YTHDC2: variants seen among roughly 807,000 people sequenced by gnomAD.
YTHDC2 encodes the protein 3'-5' RNA helicase YTHDC2.
In YTHDC2, 45 loss-of-function variants were observed where a neutral mutation model predicts 174.9. That is an observed-to-expected ratio of 0.26 (90% confidence interval 0.20 to 0.33). The LOEUF (loss-of-function observed/expected upper bound fraction) is 0.33. Ranked by LOEUF, YTHDC2 falls within the 10% of genes least tolerant of loss-of-function variation. The pLI, the probability that YTHDC2 is intolerant of heterozygous loss-of-function variation, is 1.00. For synonymous variants in YTHDC2, 657 were observed against 574.5 expected (o/e 1.14, Z -2.05); for missense variants, 1,650 against 1,723.7 (o/e 0.96, Z 0.76).
Position 113,564,128 on chromosome 5 carries a change from C to A in YTHDC2, c.2712C>A (p.Phe904Leu). Residue 904 changes from phenylalanine to leucine, a missense_variant, in exon 20 of 30, where the codon TTC becomes TTA. By Grantham distance (22) the Phe-to-Leu change is conservative. Transcript: ENST00000161863. The stretch of plus-strand genomic sequence containing the variant: ...ACCATATGGCACTTCTCAGAGCATT[C>A]CAGGTACTATTACTGTCATTTTATT... ...FSDHMALLRA[F>L]QAWQKARSDG... is the part of the protein sequence containing the mutation. 1 of 1,611,810 alleles carries A rather than the reference C, an allele frequency of 6.2e-7. No individual in the cohort carries two copies. The highest frequency in any genetic ancestry group is 8.5e-7 in the Non-Finnish European group (1 of 1,178,500).
At chr5:113,532,565 A>G (rs572418701) in intron 4 of YTHDC2, among the ~76,000 whole-genome samples, 1 of 152,310 alleles carries the variant, frequency 6.6e-6, no homozygotes, top group South Asian at 2.1e-4. Flanking sequence ...CCATCCATGA[A>G]TATGGCATAT....
chr5:113,592,815 T>C (rs889154877), intron 28 of YTHDC2: 2 of 152,496 alleles, frequency 1.3e-5, no homozygotes, highest in African/African-American at 4.8e-5. Context: ...ATTTTTATTC[T>C]ATAATAATGA....
At chr5:113,514,893 A>G (rs1773295222) in intron 1 of YTHDC2, among the ~76,000 whole-genome samples, 3 of 152,252 alleles carry the variant, frequency 2.0e-5, no homozygotes, top group African/African-American at 7.2e-5. Flanking sequence ...ATCATTGAAG[A>G]AAATAAACAT....
intron 9 of YTHDC2, 132 bp downstream of exon 9, chr5:113,541,248 G>A: frequency 4.0e-6 from 4 of 1,003,942 alleles, no homozygotes; most frequent in South Asian, 2.9e-5. Flanking sequence ...CTGGAGTGGA[G>A]TGGCGTGATC....
intron 16 of YTHDC2, among the ~76,000 whole-genome samples, chr5:113,555,808 A>G (rs1158389530): frequency 6.6e-6 from 1 of 152,212 alleles, no homozygotes. Context: ...CAAATAGCTC[A>G]GCAGAGCACA....
At chr5:113,585,563 G>A (rs1778634280) in intron 26 of YTHDC2, among the ~76,000 whole-genome samples, 2 of 151,488 alleles carry the variant, frequency 1.3e-5, no homozygotes, top group Admixed American at 6.6e-5. Context: ...ATACAATCAT[G>A]TAACTATACC....
At chr5:113,549,781 C>G (rs891599649) in intron 12 of YTHDC2, among the ~76,000 whole-genome samples, 1 of 151,810 alleles carries the variant, frequency 6.6e-6, no homozygotes, top group Non-Finnish European at 1.5e-5. Context: ...ATGTAATATA[C>G]TTGTTCACTG....
intron 12 of YTHDC2, 70 bp downstream of exon 12, chr5:113,549,090 G>A (rs1305081213): frequency 8.9e-6 from 12 of 1,346,330 alleles, no homozygotes; most frequent in South Asian, 5.0e-5. Context: ...ATAAATTATG[G>A]GCTATTCAAA....
At chr5:113,544,390 C>A (rs1775706811) in intron 10 of YTHDC2, among the ~76,000 whole-genome samples, 1 of 152,060 alleles carries the variant, frequency 6.6e-6, no homozygotes, top group South Asian at 2.1e-4. Context: ...ACCTTGTGAT[C>A]CGCCTGCCTC....
rs1491148522 is a variant in YTHDC2, at chr5:113,548,941, TTG to T, written c.1623-13_1623-12del. The T allele has an allele frequency of 4.1e-4, 654 of 1,610,236 alleles. No homozygotes were observed. The highest frequency in any genetic ancestry group is 2.3e-3 in the Admixed American group (138 of 59,396). On this transcript the variant is annotated splice_polypyrimidine_tract_variant and intron_variant, in intron 11 of 29. Coordinates refer to ENST00000161863, the MANE Select transcript of YTHDC2 (RefSeq NM_022828.5). ...ATTTTGATGACATCTTATATATCCT[TTG>T]AATTTTGGCAGGATGGCATTGGATT...
In YTHDC2 at chr5:113,593,374, AAC is replaced by A; in HGVS notation, c.4285_4286del (p.Thr1429Ter). ...ERLPLGEKNT[T>X]D ...GTCTTCCCTTGGGAGAAAAAAACACAACTGATTGACACTCAGGTTATACCATC... is the reference window on the plus strand; with the variant it reads ...GTCTTCCCTTGGGAGAAAAAAACACATGATTGACACTCAGGTTATACCATC... On this transcript the variant is annotated frameshift_variant, in exon 29 of 30. Coordinates refer to ENST00000161863, the MANE Select transcript of YTHDC2 (RefSeq NM_022828.5). LOFTEE classifies it high-confidence loss of function. The A allele has an allele frequency of 6.2e-7, 1 of 1,612,346 alleles. No homozygotes were observed. Among genetic ancestry groups the A allele is most frequent in the Non-Finnish European group, 8.5e-7 (1 of 1,178,788 alleles).
chr5:113,518,265 C>T (rs2112519871), intron 2 of YTHDC2, among the ~76,000 whole-genome samples: 1 of 148,564 alleles, frequency 6.7e-6, no homozygotes, highest in Non-Finnish European at 1.5e-5. Flanking sequence ...ATGATGACGG[C>T]TCGCTGCTCA....
chr5:113,570,174 G>A (rs1011706467), intron 23 of YTHDC2, among the ~76,000 whole-genome samples: 2 of 152,018 alleles, frequency 1.3e-5, no homozygotes, highest in African/African-American at 4.8e-5. Context: ...TCAGCTCACT[G>A]TAACCTCCGC....
chr5:113,519,672 G>A (rs565231876), intron 2 of YTHDC2, among the ~76,000 whole-genome samples: 115 of 152,206 alleles, frequency 7.6e-4, no homozygotes, highest in African/African-American at 2.6e-3. Flanking sequence ...TCAAGATATC[G>A]GCAGGGCTGC....
intron 10 of YTHDC2, among the ~76,000 whole-genome samples, chr5:113,543,366 C>G (rs1018797944): frequency 2.0e-5 from 3 of 152,204 alleles, no homozygotes; most frequent in Non-Finnish European, 4.4e-5. Context: ...AGAAAGTCTG[C>G]TGTCATATTG....
At chr5:113,526,006 C>T (rs1190904042) in intron 3 of YTHDC2, among the ~76,000 whole-genome samples, 4 of 152,030 alleles carry the variant, frequency 2.6e-5, no homozygotes, top group Non-Finnish European at 4.4e-5. Context: ...GGCTAAAATA[C>T]GCCATTAGGA....
Position 113,539,064 on chromosome 5 carries a change from T to A in YTHDC2, c.1103-10T>A. ...GCAAGTTGAGTATTTAATTTTTTTT[T>A]ATTATTTAGTACAGGGAAGACCATT... is the stretch of plus-strand genomic sequence containing the variant. On this transcript the variant is annotated splice_polypyrimidine_tract_variant and intron_variant, in intron 7 of 29. Coordinates refer to ENST00000161863, the MANE Select transcript of YTHDC2 (RefSeq NM_022828.5). 2 of 1,286,492 alleles carry A rather than the reference T, an allele frequency of 1.6e-6. No individual in the cohort carries two copies. The highest frequency in any genetic ancestry group is 2.1e-6 in the Non-Finnish European group (2 of 951,072). The allele number at this position is 1,286,492 out of a possible 1,614,324, so 79.7% of individuals were successfully genotyped here.
At chr5:113,530,669 A>G (rs1275311795) in intron 4 of YTHDC2, among the ~76,000 whole-genome samples, 2 of 152,152 alleles carry the variant, frequency 1.3e-5, no homozygotes, top group Admixed American at 6.5e-5. Flanking sequence ...CATTGTTGCT[A>G]TTACTATTTT....
At chr5:113,571,457 G>A (rs1777710886) in intron 23 of YTHDC2, among the ~76,000 whole-genome samples, 1 of 152,168 alleles carries the variant, frequency 6.6e-6, no homozygotes, top group African/African-American at 2.4e-5. Context: ...TTGTATCTCT[G>A]TCAGGCTTTG....
Sources: gnomAD v4.1 joint callset for allele counts (sites outside exome capture counted in the v4.1 genomes callset) on GRCh38, gnomAD v4.1.1 for gene constraint, MANE v1.5 for transcripts, NCBI Gene and HGNC (gene_info 2026-07-23, HGNC 2026-07-21) for gene names.